The following FGF1 variants were observed in gnomAD, a reference collection of about 807,000 sequenced individuals.
FGF1 encodes the protein beta-endothelial cell growth factor.
In FGF1, 9 loss-of-function variants were observed where a neutral mutation model predicts 13.4. The observed-to-expected ratio is 0.67, with a 90% CI of 0.40 to 1.17. The LOEUF (loss-of-function observed/expected upper bound fraction) is 1.17, where lower values mean the gene tolerates loss of function less well. FGF1 is among the 50% of genes most tolerant of loss of function. FGF1 has a pLI of 0.01. For synonymous variants in FGF1, 93 were observed against 79.0 expected (o/e 1.18, Z -0.94); for missense variants, 156 against 192.7 (o/e 0.81, Z 1.13).
Position 142,594,632 on chromosome 5 carries a change from G to A in FGF1, c.*658C>T, listed in dbSNP as rs552158084. ...TGCTGAGTAACCTTGGGAAGGTCAA[G>A]GCGTGGTAATGACTCCCAAGGATTT... On this transcript the variant is annotated 3_prime_UTR_variant, in exon 4 of 4. Coordinates refer to ENST00000337706, the MANE Select transcript of FGF1 (RefSeq NM_000800.5). 6.6e-6 allele frequency: 1 copy of A among 152,368 alleles called. No homozygotes were observed. The highest frequency in any genetic ancestry group is 1.9e-4 in the East Asian group (1 of 5,184). The allele number at this position is 152,368 out of a possible 1,614,324, so 9.4% of individuals were successfully genotyped here. A position where few individuals can be genotyped will look rare whatever the true frequency, so the allele number is the denominator to read the frequency against.
chr5:142,593,364 A>C lies in FGF1; in HGVS notation c.*1926T>G, dbSNP rs1435770947. On this transcript the variant is annotated 3_prime_UTR_variant, in exon 4 of 4. Coordinates refer to ENST00000337706, the MANE Select transcript of FGF1 (RefSeq NM_000800.5). ...AGTAACAAAAACAAAAAAGTTATGA[A>C]ATTATTTTGCTGCACAAATCTAAAA... The C allele has an allele frequency of 6.6e-6, 1 of 152,206 alleles. No individual in the cohort carries two copies. Among genetic ancestry groups the C allele is most frequent in the East Asian group, 1.9e-4 (1 of 5,202 alleles). 9.4% of individuals were successfully genotyped at this position (152,206 alleles called of 1,614,324 possible). A position where few individuals can be genotyped will look rare whatever the true frequency, so the allele number is the denominator to read the frequency against.
At chr5:142,661,872 G>A (rs567978319) in intron 1 of FGF1, among the ~76,000 whole-genome samples, 191 of 152,150 alleles carry the variant, frequency 1.3e-3, no homozygotes, top group African/African-American at 3.4e-3. Context: ...GCATGGTGGC[G>A]GTTGCCTGTA....
chr5:142,689,183 A>G (rs1180890547), upstream of FGF1, among the ~76,000 whole-genome samples: 1 of 152,218 alleles, frequency 6.6e-6, no homozygotes, highest in East Asian at 1.9e-4. Context: ...AGTTATGTGA[A>G]ACACACACCA....
chr5:142,687,397 G>A (rs1167302907), upstream of FGF1, among the ~76,000 whole-genome samples: 2 of 152,162 alleles, frequency 1.3e-5, no homozygotes, highest in Admixed American at 1.3e-4. Context: ...AAGAGCTAGA[G>A]GCTCAATCAT....
chr5:142,596,988 A>G (rs1176181476), intron 3 of FGF1, among the ~76,000 whole-genome samples: 2 of 152,158 alleles, frequency 1.3e-5, no homozygotes, highest in African/African-American at 4.8e-5. Context: ...TGAACAACAA[A>G]CCTATGAAAA....
chr5:142,665,983 C>T (rs1770231858), intron 1 of FGF1, among the ~76,000 whole-genome samples: 2 of 152,142 alleles, frequency 1.3e-5, no homozygotes, highest in South Asian at 4.2e-4. Context: ...GTGAGACCCC[C>T]TGCTCCTACA....
intron 1 of FGF1, chr5:142,680,678 C>G (rs1265237160): frequency 2.6e-5 from 4 of 152,154 alleles, no homozygotes; most frequent in African/African-American, 9.7e-5. Context: ...ACCAAATGTG[C>G]TGTTATTGTT....
At position 142,600,757 on chromosome 5, in the gene FGF1, C is replaced by T. The variant is rs141211666; in HGVS notation, c.218G>A (p.Ser73Asn). 18 of 1,613,916 alleles carry T rather than the reference C, an allele frequency of 1.1e-5. No individual in the cohort carries two copies. The highest frequency in any genetic ancestry group is 4.5e-5 in the East Asian group (2 of 44,896). ...GGCCAAGTACTGGCCAGTCTCGGTA[C>T]TCTTTATATACACCTCCCCCACGCT... Reference protein sequence around the residue: ...AESVGEVYIKSTETGQYLAMD... With the variant: ...AESVGEVYIKNTETGQYLAMD... The change falls in exon 3 of 4, where the codon AGT becomes AAT. Residue 73 changes from serine to asparagine, a missense_variant. Transcript: ENST00000337706.
chr5:142,645,274 C>T (rs547261167), intron 1 of FGF1, among the ~76,000 whole-genome samples: 12 of 152,306 alleles, frequency 7.9e-5, no homozygotes, highest in South Asian at 2.1e-4. Flanking sequence ...CCCTGGCAGA[C>T]GGCTCAGTCA....
chr5:142,607,236 G>C (rs765910116), intron 2 of FGF1, among the ~76,000 whole-genome samples: 4 of 152,158 alleles, frequency 2.6e-5, no homozygotes, highest in Non-Finnish European at 5.9e-5. Flanking sequence ...GGCAGGACGG[G>C]TGGATGAGGC....
chr5:142,663,495 A>T (rs2152005587), intron 1 of FGF1, among the ~76,000 whole-genome samples: 1 of 152,296 alleles, frequency 6.6e-6, no homozygotes, highest in East Asian at 1.9e-4. Flanking sequence ...GGAAGATCTA[A>T]TTTAAGTACA....
chr5:142,613,824 C>T (rs1446552619), intron 2 of FGF1, 135 bp downstream of exon 2: 4 of 909,236 alleles, frequency 4.4e-6, no homozygotes, highest in Middle Eastern at 3.6e-4. Flanking sequence ...ATTTATGTGA[C>T]TCCACCTCTG....
chr5:142,622,629 A>G (rs1761832420), intron 1 of FGF1, among the ~76,000 whole-genome samples: 1 of 152,210 alleles, frequency 6.6e-6, no homozygotes, highest in Admixed American at 6.5e-5. Flanking sequence ...TAACCAAGAA[A>G]AATATTTGTA....
chr5:142,617,204 A>C (rs1470105815), intron 1 of FGF1, among the ~76,000 whole-genome samples: 1 of 152,132 alleles, frequency 6.6e-6, no homozygotes, highest in Non-Finnish European at 1.5e-5. Flanking sequence ...ATCTCTACTA[A>C]AAATACAAAA....
At chr5:142,681,990 C>T (rs1319075526) in intron 1 of FGF1, among the ~76,000 whole-genome samples, 1 of 152,202 alleles carries the variant, frequency 6.6e-6, no homozygotes, top group Non-Finnish European at 1.5e-5. Context: ...GCAAATGTGT[C>T]TCCAAGCTAC....
At position 142,650,675 on chromosome 5, in the gene FGF1, T is replaced by TACAC. The variant is rs533117744; in HGVS notation, c.-35+35278_-35+35281dup. On this transcript the variant is annotated intron_variant, in intron 1 of 3. Transcript: ENST00000337706. ...CTTTATATGTGTGTGTGTGTATATA[T>TACAC]ACACACACACACACACTATGTATAC... 3.1e-4 allele frequency among the ~76,000 whole-genome samples: 47 copies of TACAC among 150,792 alleles called. No individual in the cohort carries two copies. In the East Asian group the frequency reaches 7.1e-3, roughly 23 times the overall value.
chr5:142,645,762 T>A (rs1765924662), intron 1 of FGF1, among the ~76,000 whole-genome samples: 1 of 152,184 alleles, frequency 6.6e-6, no homozygotes, highest in South Asian at 2.1e-4. Context: ...TCTGTGTTAA[T>A]CTCACTCAGC....
chr5:142,598,878 T>C (rs1380965322), intron 3 of FGF1, among the ~76,000 whole-genome samples: 4 of 152,164 alleles, frequency 2.6e-5, no homozygotes, highest in Admixed American at 2.6e-4. Flanking sequence ...TATTTTTATA[T>C]AAGTGAAAGC....
At chr5:142,684,181 G>A (rs1774259354) in intron 1 of FGF1, among the ~76,000 whole-genome samples, 1 of 152,184 alleles carries the variant, frequency 6.6e-6, no homozygotes, top group African/African-American at 2.4e-5. Flanking sequence ...CAGAATGCAT[G>A]TCACCTAAGT....
Sources: allele counts gnomAD v4.1 joint callset (sites outside exome capture counted in the v4.1 genomes callset), GRCh38; gene constraint gnomAD v4.1.1; transcripts MANE v1.5; gene names NCBI Gene and HGNC (gene_info 2026-07-23, HGNC 2026-07-21).